HEATR9: variants seen among roughly 807,000 people sequenced by gnomAD.
HEATR9 encodes protein HEATR9.
Under a neutral mutation model 68.2 loss-of-function variants are expected in HEATR9, and 54 were observed. That is an observed-to-expected ratio of 0.79 (90% CI 0.64 to 0.99). HEATR9 has a LOEUF of 0.99. Among genes scored for constraint, HEATR9 ranks in the 50% least tolerant of loss-of-function variants. The pLI is 0.00. For missense variants in HEATR9, 662 were observed against 679.7 expected (o/e 0.97, Z 0.29); for synonymous variants, 241 against 253.5 (o/e 0.95, Z 0.47).
chr17:35,868,841 C>A lies in HEATR9; in HGVS notation c.-99G>T, dbSNP rs182779793. ...TGGAGGAGACCTGTCCTCTGTGGTA[C>A]GAGAGGTACAGGGGAGGTGTCTGGA... On this transcript the variant is annotated 5_prime_UTR_variant, in exon 1 of 15. Transcript: ENST00000604834. 2 of 1,055,792 alleles carry A rather than the reference C, an allele frequency of 1.9e-6. No homozygotes were observed. Among genetic ancestry groups the A allele is most frequent in the Non-Finnish European group, 2.9e-6 (2 of 698,942 alleles). The allele number at this position is 1,055,792 out of a possible 1,614,324, so 65.4% of individuals were successfully genotyped here. A position where few individuals can be genotyped will look rare whatever the true frequency, so the allele number is the denominator to read the frequency against.
At chr17:35,855,476 G>A in intron 14 of HEATR9, 66 bp from the exon 15 acceptor site, 1 of 1,468,588 alleles carries the variant, frequency 6.8e-7, no homozygotes, top group Non-Finnish European at 9.4e-7. Flanking sequence ...TCCAGAGAGG[G>A]GGCACCCAAA....
chr17:35,855,107 T>C lies in HEATR9; in HGVS notation c.1669A>G (p.Arg557Gly). 6.2e-7 allele frequency: 1 copy of C among 1,614,126 alleles called. No individual in the cohort carries two copies. Among genetic ancestry groups the C allele is most frequent in the Non-Finnish European group, 8.5e-7 (1 of 1,180,022 alleles). Residue 557 changes from arginine (R) to glycine (G), a missense_variant, in exon 15 of 15, where the codon AGG becomes GGG. Transcript: ENST00000604834. The stretch of plus-strand genomic sequence containing the variant: ...AGGACCCGGAGCTGTTTCTTGATCC[T>C]TGGCTGCCAGGGCCCTATGACCTGT... Reference protein sequence around the residue: ...RPQVIGPWQPRIKKQLRVLAE... With the variant: ...RPQVIGPWQPGIKKQLRVLAE...
intron 8 of HEATR9, among the ~76,000 whole-genome samples, chr17:35,862,431 A>G (rs886230174): frequency 6.6e-6 from 1 of 152,116 alleles, no homozygotes; most frequent in Non-Finnish European, 1.5e-5. Context: ...GGGTCTGAGG[A>G]CTCTCTTGGG....
rs538959849 is a variant in HEATR9, at chr17:35,861,163, C to T, written c.756+1832G>A. 9.4e-5 allele frequency: 150 copies of T among 1,587,720 alleles called. 1 individual carries two copies. The East Asian group carries it at 2.8e-3, about 30-fold the overall frequency. On this transcript the variant is annotated intron_variant, in intron 8 of 14. Coordinates refer to ENST00000604834, the MANE Select transcript of HEATR9 (RefSeq NM_152781.4). ...CTTCCCTTTGCCTGCAAGAGGGGCT[C>T]GGATAAGATGGATGTTTTGCTTGAC...
In HEATR9 at chr17:35,855,735, G is replaced by A. The variant is rs370486539; in HGVS notation, c.1294C>T (p.Arg432Cys). 71 of 1,613,832 alleles carry A rather than the reference G, an allele frequency of 4.4e-5. 1 individual carries two copies. Among genetic ancestry groups the A allele is most frequent in the African/African-American group, 2.0e-4 (15 of 74,896 alleles). Reference protein sequence around the residue: ...AVISLGVLGIRSPQVFHLLLD... With the variant: ...AVISLGVLGICSPQVFHLLLD... ...AGCAAGTGGAACACTTGTGGACTGC[G>A]GATCCCCAGGACACCCTGGCAGAGG... The change falls in exon 14 of 15, where the codon CGC (arginine) becomes TGC (cysteine). Residue 432 changes from arginine (R) to cysteine (C), a missense_variant. By Grantham distance (180) the Arg-to-Cys change is radical. Transcript: ENST00000604834.
intron 8 of HEATR9, among the ~76,000 whole-genome samples, chr17:35,859,516 G>A (rs2087901884): frequency 1.3e-5 from 2 of 152,002 alleles, no homozygotes; most frequent in Admixed American, 6.6e-5. Flanking sequence ...ACTCCACAAG[G>A]GACTAAATAA....
At chr17:35,859,783 G>T (rs2087911307) in intron 8 of HEATR9, among the ~76,000 whole-genome samples, 1 of 152,218 alleles carries the variant, frequency 6.6e-6, no homozygotes, top group South Asian at 2.1e-4. Flanking sequence ...CCTTAATGCT[G>T]TCTGGTAATC....
intron 4 of HEATR9, 31 bp from the exon 5 acceptor site, chr17:35,864,584 A>G: frequency 6.2e-7 from 1 of 1,601,328 alleles, no homozygotes; most frequent in Non-Finnish European, 8.5e-7. Context: ...GTGGAAAGGA[A>G]GACAGAGAAA....
chr17:35,859,678 T>C (rs1038285157), intron 8 of HEATR9, among the ~76,000 whole-genome samples: 1 of 152,218 alleles, frequency 6.6e-6, no homozygotes, highest in Non-Finnish European at 1.5e-5. Flanking sequence ...AGAACTACAG[T>C]CCAACTCTCT....
intron 12 of HEATR9, 48 bp downstream of exon 12, chr17:35,856,684 C>T (rs763614669): frequency 2.0e-6 from 3 of 1,519,146 alleles, no homozygotes; most frequent in East Asian, 4.7e-5. Context: ...CCCTCTGCCC[C>T]CTTCCCACAG....
At chr17:35,864,692 G>T in intron 4 of HEATR9, 66 bp downstream of exon 4, 1 of 1,607,254 alleles carries the variant, frequency 6.2e-7, no homozygotes, top group Middle Eastern at 1.7e-4. Context: ...GAAGGATGGT[G>T]TGAGCCCAAG....
At chr17:35,865,009 A>G (rs2088142686) in intron 3 of HEATR9, 119 bp from the exon 4 acceptor site, 2 of 1,421,156 alleles carry the variant, frequency 1.4e-6, no homozygotes, top group Admixed American at 1.7e-5. Flanking sequence ...AGGAAGACAG[A>G]TGAGGACTCA....
rs1444636868 is a variant in HEATR9, at chr17:35,863,206, C to A, written c.626-81G>T. ...CAAGGACCCATTGAACTCCACTGTG[C>A]CATCGAGACCTAAGTTCCAAGTCCT... On this transcript the variant is annotated intron_variant, in intron 7 of 14. Transcript: ENST00000604834. 3.8e-6 allele frequency: 6 copies of A among 1,569,772 alleles called. No homozygotes were observed. In the Admixed American group the frequency reaches 8.4e-5, roughly 22 times the overall value.
rs1342175455 is a variant in HEATR9 at position 35,865,377 on chromosome 17, G to A, written c.158C>T (p.Pro53Leu). 1.2e-6 allele frequency: 2 copies of A among 1,613,484 alleles called. No homozygotes were observed. Among genetic ancestry groups the A allele is most frequent in the Middle Eastern group, 1.7e-4 (1 of 5,718 alleles). ...SCYQMPKEEF[P>L]PSPECWRQHP... The stretch of plus-strand genomic sequence containing the variant: ...CTGCCTCCAGCACTCTGGACTTGGG[G>A]GAAACTCTTCCTTTGGCATCTGGGG... Residue 53 changes from proline (P) to leucine (L), a missense_variant, in exon 3 of 15, where the codon CCC (proline) becomes CTC (leucine). Physicochemically the swap from Pro to Leu is moderately conservative, Grantham distance 98. Transcript: ENST00000604834.
rs746474802 is a variant in HEATR9 at position 35,855,186 on chromosome 17, T to C, written c.1590A>G (p.Gln530=). 1 of 1,614,182 alleles carries C rather than the reference T, an allele frequency of 6.2e-7. No homozygotes were observed. Among genetic ancestry groups the C allele is most frequent in the Non-Finnish European group, 8.5e-7 (1 of 1,180,024 alleles). ...FIAKSITKVG[Q]KKTPAFPPCC... ...ACGGTGGGAAAGCAGGCGTTTTCTT[T>C]TGGCCTACTTTGGTGATGGACTTTG... Residue 530 remains glutamine, a synonymous_variant, in exon 15 of 15, where the codon CAA becomes CAG. Transcript: ENST00000604834.
At chr17:35,864,164 G>T in intron 6 of HEATR9, 82 bp downstream of exon 6, 1 of 1,193,126 alleles carries the variant, frequency 8.4e-7, no homozygotes, top group South Asian at 1.2e-5. Context: ...TAGCACCCCG[G>T]GGAGCCTCGT....
intron 1 of HEATR9, among the ~76,000 whole-genome samples, chr17:35,867,383 C>T (rs887361698): frequency 2.2e-5 from 3 of 139,510 alleles, no homozygotes; most frequent in South Asian, 2.2e-4. Flanking sequence ...TGCAGGGAGC[C>T]GAGATCATGC....
At position 35,855,043 on chromosome 17, in the gene HEATR9, A is replaced by G; in HGVS notation, c.*20T>C. 1 of 1,592,696 alleles carries G rather than the reference A, an allele frequency of 6.3e-7. No individual in the cohort carries two copies. The highest frequency in any genetic ancestry group is 8.6e-7 in the Non-Finnish European group (1 of 1,164,376). On this transcript the variant is annotated 3_prime_UTR_variant, in exon 15 of 15. Coordinates refer to ENST00000604834, the MANE Select transcript of HEATR9 (RefSeq NM_152781.4). ...AGCATCTTCAGGGAGGGAGTCGGGG[A>G]GTAGGCCCAAAGAATTGACTTATTT... is the stretch of plus-strand genomic sequence containing the variant.
chr17:35,858,975 G>A lies in HEATR9; in HGVS notation c.852C>T (p.Cys284=), dbSNP rs755328133. ...SSEASLEAAL[C]LGFLRPCSNM... ...TGCTGCAAGGCCTCAGGAAACCCAG[G>A]CACAGGGCTGCCTCCAGAGATGCTT... The change falls in exon 9 of 15, where the codon TGC becomes TGT. Residue 284 remains cysteine (C), a synonymous_variant. Transcript: ENST00000604834. 3.1e-6 allele frequency: 5 copies of A among 1,614,048 alleles called. No individual in the cohort carries two copies. Among genetic ancestry groups the A allele is most frequent in the Non-Finnish European group, 2.5e-6 (3 of 1,180,052 alleles).
Sources: gnomAD v4.1 joint callset for allele counts (sites outside exome capture counted in the v4.1 genomes callset) on GRCh38, gnomAD v4.1.1 for gene constraint, MANE v1.5 for transcripts, NCBI Gene and HGNC (gene_info 2026-07-23, HGNC 2026-07-21) for gene names.